CCBE1: variants seen among roughly 807,000 people sequenced by gnomAD.
CCBE1 encodes the protein collagen and calcium-binding EGF domain-containing protein 1.
In CCBE1, 37 loss-of-function variants were observed where a neutral mutation model predicts 50.0. That is an observed-to-expected ratio of 0.74 (90% CI 0.57 to 0.97). The LOEUF (loss-of-function observed/expected upper bound fraction) is 0.97. CCBE1 is among the 50% of genes least tolerant of loss of function. CCBE1 has a pLI of 0.00. For missense variants in CCBE1, 538 were observed against 523.8 expected, an observed-to-expected ratio of 1.03 and a Z score of -0.26; for synonymous variants, 234 against 203.7, an observed-to-expected ratio of 1.15 and a Z score of -1.27.
intron 2 of CCBE1, among the ~76,000 whole-genome samples, chr18:59,632,192 A>G (rs1384811561): frequency 6.6e-6 from 1 of 152,204 alleles, no homozygotes; most frequent in Non-Finnish European, 1.5e-5. Flanking sequence ...AAGGCCCCCA[A>G]AAATGGCACA....
chr18:59,461,139 C>T (rs909967801), intron 5 of CCBE1, among the ~76,000 whole-genome samples: 9 of 151,966 alleles, frequency 5.9e-5, no homozygotes, highest in Non-Finnish European at 1.0e-4. Flanking sequence ...CCCAGAGACC[C>T]GCTCATTGTT....
chr18:59,516,412 G>C (rs975775554), intron 2 of CCBE1, among the ~76,000 whole-genome samples: 2 of 152,178 alleles, frequency 1.3e-5, no homozygotes, highest in South Asian at 2.1e-4. Flanking sequence ...TGGGGGATAA[G>C]AAAGAGCCAG....
intron 2 of CCBE1, among the ~76,000 whole-genome samples, chr18:59,640,862 G>A (rs2053978749): frequency 6.6e-6 from 1 of 152,158 alleles, no homozygotes; most frequent in African/African-American, 2.4e-5. Context: ...CAAGACTGAT[G>A]CATGGCCAAG....
At chr18:59,697,516 A>G (rs1368859687), upstream of CCBE1, 3 of 845,896 alleles carry the variant, frequency 3.5e-6, no homozygotes, top group East Asian at 5.5e-5. Flanking sequence ...TGGGGGGAAA[A>G]TGAGGCTAGG....
rs185869637 is a variant in CCBE1, at chr18:59,522,753, G to A, written c.213-42515C>T. 5.1e-3 allele frequency among the ~76,000 whole-genome samples: 778 copies of A among 152,216 alleles called. 9 individuals are homozygous for A. Among genetic ancestry groups the A allele is most frequent in the Non-Finnish European group, 5.4e-3 (368 of 68,010 alleles). On this transcript the variant is annotated intron_variant, in intron 2 of 10. Transcript: ENST00000439986. Reference sequence around the variant, plus strand: ...GCCTGTAATCCCAGCACTTTGGGAGGCCGAGGCGGGCGTATCATGAGGTCA... The same window carrying A: ...GCCTGTAATCCCAGCACTTTGGGAGACCGAGGCGGGCGTATCATGAGGTCA...
At chr18:59,542,846 C>T (rs1915522455) in intron 2 of CCBE1, among the ~76,000 whole-genome samples, 1 of 152,138 alleles carries the variant, frequency 6.6e-6, no homozygotes, top group East Asian at 1.9e-4. Context: ...TTCTCTGAAG[C>T]TCTCACCCAC....
intron 2 of CCBE1, among the ~76,000 whole-genome samples, chr18:59,652,895 C>A (rs1478459545): frequency 2.6e-5 from 4 of 151,272 alleles, no homozygotes; most frequent in Non-Finnish European, 5.9e-5. Context: ...ACCTGGGAGG[C>A]GGAGCTTGCA....
At chr18:59,458,423 G>A (rs1009706170) in intron 5 of CCBE1, among the ~76,000 whole-genome samples, 6 of 152,196 alleles carry the variant, frequency 3.9e-5, no homozygotes. Flanking sequence ...TCATGTTTCT[G>A]TCCACTTTTA....
chr18:59,528,745 A>T (rs7233267), intron 2 of CCBE1, among the ~76,000 whole-genome samples: 3 of 151,710 alleles, frequency 2.0e-5, no homozygotes, highest in Non-Finnish European at 4.4e-5. Flanking sequence ...CTGGGGGTTC[A>T]CTCCAGACCC....
chr18:59,462,931 A>G (rs574705357), intron 5 of CCBE1, among the ~76,000 whole-genome samples: 1 of 152,348 alleles, frequency 6.6e-6, no homozygotes, highest in East Asian at 1.9e-4. Context: ...GATACCAAAA[A>G]ACAATGTAAA....
At chr18:59,587,401 C>T (rs754455150) in intron 2 of CCBE1, among the ~76,000 whole-genome samples, 30 of 152,158 alleles carry the variant, frequency 2.0e-4, no homozygotes, top group Non-Finnish European at 3.8e-4. Flanking sequence ...ATCATCTCAA[C>T]AGGTACCAAA....
chr18:59,612,723 G>C (rs1446525235), intron 2 of CCBE1, among the ~76,000 whole-genome samples: 2 of 152,080 alleles, frequency 1.3e-5, no homozygotes, highest in Admixed American at 6.5e-5. Flanking sequence ...TATGCAATGG[G>C]AGCCGCCCCA....
intron 2 of CCBE1, among the ~76,000 whole-genome samples, chr18:59,682,657 T>C (rs991764153): frequency 3.9e-5 from 6 of 152,228 alleles, no homozygotes; most frequent in Non-Finnish European, 1.5e-5. Flanking sequence ...TCCTTAGCTA[T>C]TAACTGAAAA....
At chr18:59,665,509 C>G (rs1273485656) in intron 2 of CCBE1, among the ~76,000 whole-genome samples, 2 of 152,208 alleles carry the variant, frequency 1.3e-5, no homozygotes, top group Admixed American at 6.5e-5. Flanking sequence ...AGGGGTACAC[C>G]ACATCATTTT....
intron 2 of CCBE1, among the ~76,000 whole-genome samples, chr18:59,646,251 A>G (rs1482837693): frequency 6.6e-6 from 1 of 152,200 alleles, no homozygotes; most frequent in African/African-American, 2.4e-5. Flanking sequence ...CCGATGGACG[A>G]TCACTGTCAG....
chr18:59,547,051 G>A (rs1242921671), intron 2 of CCBE1, among the ~76,000 whole-genome samples: 1 of 98,376 alleles, frequency 1.0e-5, no homozygotes. Context: ...GGGGGAGAGA[G>A]GGGGAGAGAG....
chr18:59,544,256 C>T (rs1408902894), intron 2 of CCBE1, among the ~76,000 whole-genome samples: 1 of 152,124 alleles, frequency 6.6e-6, no homozygotes, highest in Non-Finnish European at 1.5e-5. Context: ...TCCTTTTTGG[C>T]CTCCTTGAAG....
At chr18:59,663,778 G>T (rs372325314) in intron 2 of CCBE1, among the ~76,000 whole-genome samples, 218 of 152,282 alleles carry the variant, frequency 1.4e-3, no homozygotes, top group African/African-American at 4.9e-3. Context: ...AGACTGTCAT[G>T]AGGCAGAAGT....
At chr18:59,475,117 C>G (rs560146985) in intron 3 of CCBE1, among the ~76,000 whole-genome samples, 2 of 152,174 alleles carry the variant, frequency 1.3e-5, no homozygotes, top group Non-Finnish European at 2.9e-5. Context: ...AGCTTTCAGT[C>G]ATGTAGCTTT....
Sources: allele counts gnomAD v4.1 joint callset (sites outside exome capture counted in the v4.1 genomes callset), GRCh38; gene constraint gnomAD v4.1.1; transcripts MANE v1.5; gene names NCBI Gene and HGNC (gene_info 2026-07-23, HGNC 2026-07-21).